LRRTM3: variants seen among roughly 807,000 people sequenced by gnomAD.
LRRTM3 encodes leucine-rich repeat transmembrane neuronal protein 3.
Under a neutral mutation model 44.7 loss-of-function variants are expected in LRRTM3, and 24 were observed. The observed-to-expected ratio is 0.54, with a 90% CI of 0.39 to 0.76. The LOEUF (loss-of-function observed/expected upper bound fraction) is 0.76, where lower values mean the gene tolerates loss of function less well. Among genes scored for constraint, LRRTM3 ranks in the 30% least tolerant of loss-of-function variants. The pLI, the probability that LRRTM3 is intolerant of heterozygous loss-of-function variation, is 0.00. For synonymous variants in LRRTM3, 277 were observed against 278.7 expected, an observed-to-expected ratio of 0.99 and a Z score of 0.06; for missense variants, 587 against 702.2, an observed-to-expected ratio of 0.84 and a Z score of 1.85.
chr10:67,034,323 C>A (rs970397769), intron 2 of LRRTM3, among the ~76,000 whole-genome samples: 1 of 152,172 alleles, frequency 6.6e-6, no homozygotes, highest in African/African-American at 2.4e-5. Context: ...AAGCACAAAT[C>A]AAGTGCCTTT....
At chr10:67,014,392 C>G (rs1327511486) in intron 2 of LRRTM3, among the ~76,000 whole-genome samples, 1 of 152,116 alleles carries the variant, frequency 6.6e-6, no homozygotes, top group Non-Finnish European at 1.5e-5. Context: ...AATTGTATAA[C>G]CTGTGAGATT....
chr10:66,999,377 G>GA (rs1468379844), intron 2 of LRRTM3, among the ~76,000 whole-genome samples: 1 of 151,918 alleles, frequency 6.6e-6, no homozygotes, highest in Non-Finnish European at 1.5e-5. Context: ...TGGGATTCCT[G>GA]AAAAAAATAT....
chr10:66,954,967 G>A (rs975380288), intron 2 of LRRTM3, among the ~76,000 whole-genome samples: 10 of 152,044 alleles, frequency 6.6e-5, no homozygotes, highest in African/African-American at 2.4e-4. Context: ...ATCTCAATTA[G>A]GAAAAGTACC....
Position 67,079,565 on chromosome 10 carries a change from C to T in LRRTM3, c.1537-18022C>T, listed in dbSNP as rs115310052. On this transcript the variant is annotated intron_variant, in intron 2 of 2. Coordinates refer to ENST00000361320, the MANE Select transcript of LRRTM3 (RefSeq NM_178011.5). ...AGATAAAACATAACAATAAGATAGT[C>T]ACAGCCCAGCGCGGTGGCTCATGCC... 4.8e-3 allele frequency among the ~76,000 whole-genome samples: 735 copies of T among 152,048 alleles called. 5 individuals are homozygous for T. The highest frequency in any genetic ancestry group is 0.017 in the African/African-American group (700 of 41,516).
intron 2 of LRRTM3, among the ~76,000 whole-genome samples, chr10:67,021,824 T>G (rs2133075776): frequency 6.6e-6 from 1 of 152,212 alleles, no homozygotes; most frequent in East Asian, 1.9e-4. Flanking sequence ...TGAAAGGAAG[T>G]ACTATAAAGG....
intron 2 of LRRTM3, among the ~76,000 whole-genome samples, chr10:67,045,417 T>TTTG (rs1218942642): frequency 4.6e-5 from 7 of 152,258 alleles, no homozygotes; most frequent in Non-Finnish European, 7.4e-5. Flanking sequence ...TGTTGGTTTT[T>TTTG]TTGTTGTTGT....
intron 2 of LRRTM3, among the ~76,000 whole-genome samples, chr10:66,940,158 G>C (rs1847924279): frequency 6.6e-6 from 1 of 152,088 alleles, no homozygotes; most frequent in Admixed American, 6.6e-5. Flanking sequence ...TGAAAAGATG[G>C]AAAACGTTGT....
At chr10:67,059,412 T>C (rs1203505699) in intron 2 of LRRTM3, among the ~76,000 whole-genome samples, 3 of 152,196 alleles carry the variant, frequency 2.0e-5, no homozygotes, top group African/African-American at 4.8e-5. Context: ...AAACAATTAA[T>C]TGCAAAAATT....
At chr10:67,082,128 G>A (rs1857087818) in intron 2 of LRRTM3, among the ~76,000 whole-genome samples, 9 of 151,870 alleles carry the variant, frequency 5.9e-5, no homozygotes. Flanking sequence ...GCTATAGAGA[G>A]GATTTTTTAA....
intron 2 of LRRTM3, among the ~76,000 whole-genome samples, chr10:67,010,885 A>T (rs1328834537): frequency 1.3e-5 from 2 of 152,194 alleles, no homozygotes; most frequent in African/African-American, 4.8e-5. Flanking sequence ...CTTTATGGTT[A>T]ACATTATTTC....
chr10:67,008,953 CT>C (rs2133028179), intron 2 of LRRTM3, among the ~76,000 whole-genome samples: 1 of 151,954 alleles, frequency 6.6e-6, no homozygotes, highest in East Asian at 1.9e-4. Context: ...TAAAAGATAA[CT>C]TGGGTGGGTA....
intron 2 of LRRTM3, among the ~76,000 whole-genome samples, chr10:67,085,967 CTCA>C (rs143181670): frequency 1.3e-5 from 2 of 152,110 alleles, no homozygotes; most frequent in East Asian, 3.9e-4. Flanking sequence ...TCCCTCCACT[CTCA>C]TCATATCCTA....
intron 2 of LRRTM3, among the ~76,000 whole-genome samples, chr10:67,035,456 A>T (rs1788342156): frequency 6.6e-6 from 1 of 151,386 alleles, no homozygotes; most frequent in Admixed American, 6.6e-5. Flanking sequence ...AGATGTTGGT[A>T]TTTTTTTTTA....
At chr10:67,085,846 T>C (rs1402614361) in intron 2 of LRRTM3, among the ~76,000 whole-genome samples, 3 of 152,008 alleles carry the variant, frequency 2.0e-5, no homozygotes, top group Admixed American at 1.3e-4. Flanking sequence ...TCTAGAGAGA[T>C]AGATTATGTT....
chr10:66,985,797 A>C (rs1165326186), intron 2 of LRRTM3, among the ~76,000 whole-genome samples: 1 of 152,120 alleles, frequency 6.6e-6, no homozygotes, highest in Non-Finnish European at 1.5e-5. Context: ...CCATGATCTC[A>C]GGTCACTGCA....
intron 2 of LRRTM3, among the ~76,000 whole-genome samples, chr10:67,069,872 A>G (rs1158504958): frequency 1.3e-5 from 2 of 152,160 alleles, no homozygotes; most frequent in African/African-American, 2.4e-5. Context: ...GGGCTGTTTG[A>G]ACACTTTTGT....
chr10:66,930,815 G>T (rs1455704716), intron 2 of LRRTM3, among the ~76,000 whole-genome samples: 1 of 152,012 alleles, frequency 6.6e-6, no homozygotes, highest in Admixed American at 6.6e-5. Flanking sequence ...TAATAGATAA[G>T]AACGAAAATA....
chr10:66,938,262 C>T (rs1191196574), intron 2 of LRRTM3, among the ~76,000 whole-genome samples: 1 of 152,006 alleles, frequency 6.6e-6, no homozygotes, highest in Non-Finnish European at 1.5e-5. Context: ...GACCACTAAA[C>T]AATGTGAGGG....
intron 2 of LRRTM3, among the ~76,000 whole-genome samples, chr10:66,945,578 T>G (rs569003132): frequency 6.6e-6 from 1 of 152,332 alleles, no homozygotes; most frequent in East Asian, 1.9e-4. Context: ...ATTCATGTGT[T>G]CACTGGAGTA....
Sources: gnomAD v4.1 joint callset for allele counts (sites outside exome capture counted in the v4.1 genomes callset) on GRCh38, gnomAD v4.1.1 for gene constraint, MANE v1.5 for transcripts, NCBI Gene and HGNC (gene_info 2026-07-23, HGNC 2026-07-21) for gene names.